Variants in ETS2 observed in about 807,000 individuals in gnomAD.
The protein encoded by ETS2 is protein C-ets-2.
Under a neutral mutation model 54.9 loss-of-function variants are expected in ETS2, and 19 were observed. The ratio of observed to expected loss-of-function variants is 0.35; its 90% confidence interval spans 0.24 to 0.51. The LOEUF (loss-of-function observed/expected upper bound fraction) is 0.51. Ranked by LOEUF, ETS2 falls within the 20% of genes least tolerant of loss-of-function variation. ETS2 has a pLI of 0.97. For synonymous variants in ETS2, 219 were observed against 229.3 expected (o/e 0.95, Z 0.41); for missense variants, 417 against 593.0 (o/e 0.70, Z 3.08).
chr21:38,805,468 C>A (rs146079228), upstream of ETS2: 31 of 1,288,322 alleles, frequency 2.4e-5, no homozygotes, highest in Non-Finnish European at 2.8e-5. This position sits in a 1 kb window ranked among gnomAD's most constrained non-coding sequence, Gnocchi z 5.2. Context: ...GCCTTGGCCC[C>A]AGAGAGGACG....
Position 38,806,238 on chromosome 21 carries a change from G to A in ETS2, c.-1+118G>A, listed in dbSNP as rs927285589. ...ACACGCAGATCTCGGGGCGCTGCCG[G>A]GGGTGCAGGTGGGGGTGGCGGCTGC... On this transcript the variant is annotated intron_variant, in intron 1 of 9. Coordinates refer to ENST00000360938, the MANE Select transcript of ETS2 (RefSeq NM_005239.6). This position sits in a 1 kb window ranked among gnomAD's most constrained non-coding sequence, Gnocchi z 4.3. 12 of 984,442 alleles carry A rather than the reference G, an allele frequency of 1.2e-5. No homozygotes were observed. Among genetic ancestry groups the A allele is most frequent in the East Asian group, 2.3e-4 (2 of 8,836 alleles). 61.0% of individuals were successfully genotyped at this position (984,442 alleles called of 1,614,324 possible). A position where few individuals can be genotyped will look rare whatever the true frequency, so the allele number is the denominator to read the frequency against.
rs2060895869 is a variant in ETS2 at position 38,806,966 on chromosome 21, A to C, written c.-1+846A>C. ...TTATTTAGAAAGTAAAGAAATGAGC[A>C]GTCCCCTTTGGAGACAGGAGTAATT... On this transcript the variant is annotated intron_variant, in intron 1 of 9. Coordinates refer to ENST00000360938, the MANE Select transcript of ETS2 (RefSeq NM_005239.6). The surrounding 1 kb of genome is among the most constrained non-coding windows in gnomAD (Gnocchi z 4.3). 6.6e-6 allele frequency among the ~76,000 whole-genome samples: 1 copy of C among 152,226 alleles called. No individual in the cohort carries two copies. Among genetic ancestry groups the C allele is most frequent in the Admixed American group, 6.5e-5 (1 of 15,288 alleles).
chr21:38,814,123 T>A lies in ETS2; in HGVS notation c.185-150T>A. ...TTTTCTCAATTATAGTCAGAAAAGTTTTTTGTTAATAGTTACACTGTTTTA... is the reference window on the plus strand; with the variant it reads ...TTTTCTCAATTATAGTCAGAAAAGTATTTTGTTAATAGTTACACTGTTTTA... On this transcript the variant is annotated intron_variant, in intron 3 of 9. Coordinates refer to ENST00000360938, the MANE Select transcript of ETS2 (RefSeq NM_005239.6). This position sits in a 1 kb window ranked among gnomAD's most constrained non-coding sequence, Gnocchi z 4.2. 1 of 718,858 alleles carries A rather than the reference T, an allele frequency of 1.4e-6. No homozygotes were observed. Among genetic ancestry groups the A allele is most frequent in the South Asian group, 1.9e-5 (1 of 52,040 alleles). The allele number at this position is 718,858 out of a possible 1,614,324, so 44.5% of individuals were successfully genotyped here.
rs374239781 is a variant in ETS2 at position 38,812,162 on chromosome 21, A to G, written c.73-841A>G. ...AGTTTCAGTTAAATTGTTTCATGGC[A>G]AACATTTCAAAATAAATGCTTCCAA... On this transcript the variant is annotated intron_variant, in intron 2 of 9. Coordinates refer to ENST00000360938, the MANE Select transcript of ETS2 (RefSeq NM_005239.6). Among the ~76,000 whole-genome samples, 4 of 152,272 alleles carry G rather than the reference A, an allele frequency of 2.6e-5. No individual in the cohort carries two copies. The East Asian group carries it at 7.7e-4, about 29-fold the overall frequency.
chr21:38,820,361 G>A (rs1372971596), intron 8 of ETS2, among the ~76,000 whole-genome samples: 1 of 152,100 alleles, frequency 6.6e-6, no homozygotes, highest in African/African-American at 2.4e-5. Context: ...AGCCACTGTG[G>A]ATTGAAATTA....
chr21:38,820,818 G>A (rs1238334398), intron 8 of ETS2, among the ~76,000 whole-genome samples: 1 of 152,204 alleles, frequency 6.6e-6, no homozygotes, highest in Non-Finnish European at 1.5e-5. Flanking sequence ...AAAGAGGTTG[G>A]GCTTAGGGTC....
rs2060967953 is a variant in ETS2 at position 38,823,788 on chromosome 21, T to A, written c.*899T>A. ...GTAAAGTAAAAGCTATAAAGCAGTA[T>A]TTTTCTTGACAAATGGCATATGTTT... On this transcript the variant is annotated 3_prime_UTR_variant, in exon 10 of 10. Coordinates refer to ENST00000360938, the MANE Select transcript of ETS2 (RefSeq NM_005239.6). 6.6e-6 allele frequency: 1 copy of A among 152,640 alleles called. No individual in the cohort carries two copies. The highest frequency in any genetic ancestry group is 1.5e-5 in the Non-Finnish European group (1 of 68,034). 9.5% of individuals were successfully genotyped at this position (152,640 alleles called of 1,614,324 possible).
Position 38,809,643 on chromosome 21 carries a change from G to GC in ETS2, c.1-388dup, listed in dbSNP as rs887266686. 7.8e-5 allele frequency: 14 copies of GC among 180,208 alleles called. 1 individual carries two copies. Among genetic ancestry groups the GC allele is most frequent in the Admixed American group, 4.5e-4 (7 of 15,450 alleles). 11.2% of individuals were successfully genotyped at this position (180,208 alleles called of 1,614,324 possible). A position where few individuals can be genotyped will look rare whatever the true frequency, so the allele number is the denominator to read the frequency against. Reference sequence around the variant, plus strand: ...CAGAGCAGACAGGAGGCGGCCCACTGCCCCACTGTACCCACCCAAGCACTC... The same window carrying GC: ...CAGAGCAGACAGGAGGCGGCCCACTGCCCCCACTGTACCCACCCAAGCACTC... On this transcript the variant is annotated intron_variant, in intron 1 of 9. Coordinates refer to ENST00000360938, the MANE Select transcript of ETS2 (RefSeq NM_005239.6).
chr21:38,822,575 A>G (rs1255146579), intron 9 of ETS2, 99 bp from the exon 10 acceptor site: 1 of 1,081,248 alleles, frequency 9.2e-7, no homozygotes. Flanking sequence ...TTCTCTCTAG[A>G]GTGAACATGC....
rs904430725 is a variant in ETS2 at position 38,806,072 on chromosome 21, C to T, written c.-49C>T. 3 of 1,156,048 alleles carry T rather than the reference C, an allele frequency of 2.6e-6. No individual in the cohort carries two copies. Among genetic ancestry groups the T allele is most frequent in the East Asian group, 1.0e-4 (1 of 10,000 alleles). 71.6% of individuals were successfully genotyped at this position (1,156,048 alleles called of 1,614,324 possible). On this transcript the variant is annotated 5_prime_UTR_variant, in exon 1 of 10. Transcript: ENST00000360938. The surrounding 1 kb of genome is among the most constrained non-coding windows in gnomAD (Gnocchi z 4.3). ...GCGCGCACCGAGCAGCCGCGGGCGC[C>T]GAGCAGCCACCGTCCCGACCAAGCG...
In ETS2 at chr21:38,814,233, A is replaced by C; in HGVS notation, c.185-40A>C. ...CCTAAATCTCCACCTGATATCACCA[A>C]CTTGAAGTCCTAATGTCCCCATGGG... On this transcript the variant is annotated intron_variant, in intron 3 of 9. Coordinates refer to ENST00000360938, the MANE Select transcript of ETS2 (RefSeq NM_005239.6). The surrounding 1 kb of genome is among the most constrained non-coding windows in gnomAD (Gnocchi z 4.2). 1 of 1,601,846 alleles carries C rather than the reference A, an allele frequency of 6.2e-7. No individual in the cohort carries two copies. Among genetic ancestry groups the C allele is most frequent in the Non-Finnish European group, 8.5e-7 (1 of 1,173,030 alleles).
chr21:38,805,930 G>T lies in ETS2; in HGVS notation c.-191G>T. 1 of 1,257,604 alleles carries T rather than the reference G, an allele frequency of 8.0e-7. No homozygotes were observed. Among genetic ancestry groups the T allele is most frequent in the South Asian group, 1.3e-5 (1 of 77,482 alleles). 77.9% of individuals were successfully genotyped at this position (1,257,604 alleles called of 1,614,324 possible). A position where few individuals can be genotyped will look rare whatever the true frequency, so the allele number is the denominator to read the frequency against. On this transcript the variant is annotated 5_prime_UTR_variant, in exon 1 of 10. Coordinates refer to ENST00000360938, the MANE Select transcript of ETS2 (RefSeq NM_005239.6). This position sits in a 1 kb window ranked among gnomAD's most constrained non-coding sequence, Gnocchi z 5.2. The stretch of plus-strand genomic sequence containing the variant: ...AGCGCGCCGCGTGGGGGACGGCCCG[G>T]TTACTTCCTCCAGAGACTGACGAGT...
chr21:38,818,308 T>G (rs2099954358), intron 6 of ETS2, 117 bp from the exon 7 acceptor site: 69 of 1,398,882 alleles, frequency 4.9e-5, no homozygotes, highest in Non-Finnish European at 6.2e-5. Context: ...GGGTCTCCAC[T>G]GAGGTTCTGC....
rs2060893979 is a variant in ETS2, at chr21:38,806,537, TG to T, written c.-1+418del. 4.1e-6 allele frequency: 4 copies of T among 985,448 alleles called. No individual in the cohort carries two copies. The South Asian group carries it at 1.9e-4, about 46-fold the overall frequency. 61.0% of individuals were successfully genotyped at this position (985,448 alleles called of 1,614,324 possible). On this transcript the variant is annotated intron_variant, in intron 1 of 9. Transcript: ENST00000360938. This position sits in a 1 kb window ranked among gnomAD's most constrained non-coding sequence, Gnocchi z 4.3. ...ACGGGAGTGGGGGCACAGGAGAGCG[TG>T]TCCGAGGTGGCCTGGCGCCCCGGCT... is the stretch of plus-strand genomic sequence containing the variant.
At chr21:38,805,770 C>A, upstream of ETS2, 2 of 775,114 alleles carry the variant, frequency 2.6e-6, no homozygotes, top group Non-Finnish European at 3.5e-6. The surrounding 1 kb of genome is among the most constrained non-coding windows in gnomAD (Gnocchi z 5.2). Context: ...ATCCTGCCTA[C>A]CTCCCTTCCC....
In ETS2 at chr21:38,814,494, G is replaced by A; in HGVS notation, c.304+102G>A. ...ATTAAGCTTTTGCTTGGGGTATTCT[G>A]CAAAGAGTAGCATGGATGTCGTTAA... On this transcript the variant is annotated intron_variant, in intron 4 of 9. Coordinates refer to ENST00000360938, the MANE Select transcript of ETS2 (RefSeq NM_005239.6). This position sits in a 1 kb window ranked among gnomAD's most constrained non-coding sequence, Gnocchi z 4.2. The A allele has an allele frequency of 3.6e-6, 5 of 1,400,632 alleles. No homozygotes were observed. Among genetic ancestry groups the A allele is most frequent in the Non-Finnish European group, 4.9e-6 (5 of 1,018,248 alleles). 86.8% of individuals were successfully genotyped at this position (1,400,632 alleles called of 1,614,324 possible). A position where few individuals can be genotyped will look rare whatever the true frequency, so the allele number is the denominator to read the frequency against.
At chr21:38,810,253 T>C (rs3746882) in intron 2 of ETS2, 147 bp downstream of exon 2, 78,015 of 527,974 alleles carry the variant, frequency 0.15, 7,289 homozygotes, top group South Asian at 0.3. Context: ...TTTGCTTACT[T>C]GCTCTGGTCC....
chr21:38,817,749 G>A (rs1415328097), intron 6 of ETS2, among the ~76,000 whole-genome samples: 2 of 152,202 alleles, frequency 1.3e-5, no homozygotes, highest in African/African-American at 4.8e-5. Flanking sequence ...CGAGGGAGGG[G>A]TCCTCGGAAC....
rs181870579 is a variant in ETS2 at position 38,820,198 on chromosome 21, G to A, written c.1075+432G>A. On this transcript the variant is annotated intron_variant, in intron 8 of 9. Coordinates refer to ENST00000360938, the MANE Select transcript of ETS2 (RefSeq NM_005239.6). ...AAATCTATCTGCTCTTATTTTTGAG[G>A]TTTGGGTGAGAGCTATTCTAGGCAG... Among the ~76,000 whole-genome samples, 18 of 152,318 alleles carry A rather than the reference G, an allele frequency of 1.2e-4. No individual in the cohort carries two copies. The East Asian group carries it at 3.5e-3, about 29-fold the overall frequency.
Sources: gnomAD v4.1 joint callset for allele counts (sites outside exome capture counted in the v4.1 genomes callset) on GRCh38, gnomAD v4.1.1 for gene constraint, Gnocchi (gnomAD v3.1) non-coding constraint, MANE v1.5 for transcripts, NCBI Gene and HGNC (gene_info 2026-07-23, HGNC 2026-07-21) for gene names.